PAFAH1B2: variants seen among roughly 807,000 people sequenced by gnomAD.
PAFAH1B2 encodes the protein platelet-activating factor acetylhydrolase IB subunit alpha2.
In PAFAH1B2, 8 loss-of-function variants were observed where a neutral mutation model predicts 28.0. The ratio of observed to expected loss-of-function variants is 0.29; its 90% CI spans 0.17 to 0.52. The LOEUF (loss-of-function observed/expected upper bound fraction) is 0.52. PAFAH1B2 is among the 20% of genes least tolerant of loss of function. PAFAH1B2 has a pLI of 0.97. For synonymous variants in PAFAH1B2, 104 were observed against 103.2 expected (o/e 1.01, Z -0.05); for missense variants, 190 against 282.6 (o/e 0.67, Z 2.35).
At chr11:117,167,251 A>G (rs905929181) in intron 5 of PAFAH1B2, among the ~76,000 whole-genome samples, 170 bp from the exon 6 acceptor site, 1 of 152,176 alleles carries the variant, frequency 6.6e-6, no homozygotes, top group Non-Finnish European at 1.5e-5. Flanking sequence ...CCATGAAAAA[A>G]CTAAGAAGAA....
intron 4 of PAFAH1B2, 56 bp from the exon 5 acceptor site, chr11:117,163,713 GT>G: frequency 6.6e-7 from 1 of 1,514,844 alleles, no homozygotes; most frequent in Non-Finnish European, 9.0e-7. Flanking sequence ...AATGTTGGAC[GT>G]TCCTTTGTTC....
Position 117,170,574 on chromosome 11 carries a change from A to G in PAFAH1B2, c.*2875A>G, listed in dbSNP as rs1365383233. ...ATCTTTTGTCAGAAACCTTAACCCA[A>G]CAAAACAAATCTTGAGTAGCTCATG... On this transcript the variant is annotated 3_prime_UTR_variant, in exon 6 of 6. Transcript: ENST00000527958. 2 of 1,058,136 alleles carry G rather than the reference A, an allele frequency of 1.9e-6. No individual in the cohort carries two copies. The highest frequency in any genetic ancestry group is 2.3e-6 in the Non-Finnish European group (2 of 875,650). 65.5% of individuals were successfully genotyped at this position (1,058,136 alleles called of 1,614,324 possible).
chr11:117,165,865 AGTCTC>A (rs1345238070), intron 5 of PAFAH1B2, among the ~76,000 whole-genome samples: 1 of 147,578 alleles, frequency 6.8e-6, no homozygotes, highest in Non-Finnish European at 1.5e-5. Flanking sequence ...TTTGAGATGG[AGTCTC>A]GCTCTACTGC....
At chr11:117,159,775 G>A in intron 2 of PAFAH1B2, 159 bp from the exon 3 acceptor site, 3 of 525,256 alleles carry the variant, frequency 5.7e-6, no homozygotes, top group South Asian at 6.3e-5. Context: ...TGTTTTTGTA[G>A]AGATGGGATC....
chr11:117,175,271 A>G (rs2029911289), downstream of PAFAH1B2: 4 of 1,078,390 alleles, frequency 3.7e-6, no homozygotes, highest in Non-Finnish European at 4.5e-6. Context: ...CTGTGTGCTC[A>G]CAAGTCTGGC....
intron 3 of PAFAH1B2, 82 bp downstream of exon 3, chr11:117,160,105 A>C: frequency 1.0e-6 from 1 of 989,434 alleles, no homozygotes; most frequent in Non-Finnish European, 1.6e-6. Context: ...TCTGAGCTGA[A>C]CTTACTTATT....
At position 117,170,873 on chromosome 11, in the gene PAFAH1B2, T is replaced by C; in HGVS notation, c.*3174T>C. 1 of 1,060,874 alleles carries C rather than the reference T, an allele frequency of 9.4e-7. No individual in the cohort carries two copies. The highest frequency in any genetic ancestry group is 1.1e-6 in the Non-Finnish European group (1 of 876,404). The allele number at this position is 1,060,874 out of a possible 1,614,324, so 65.7% of individuals were successfully genotyped here. A position where few individuals can be genotyped will look rare whatever the true frequency, so the allele number is the denominator to read the frequency against. On this transcript the variant is annotated 3_prime_UTR_variant, in exon 6 of 6. Coordinates refer to ENST00000527958, the MANE Select transcript of PAFAH1B2 (RefSeq NM_002572.4). ...TTAGGGCCTCTTGAAAGGAGGCTTTTTGGAGAGGGGTCCCCCAGGTTTCTT... is the reference window on the plus strand; with the variant it reads ...TTAGGGCCTCTTGAAAGGAGGCTTTCTGGAGAGGGGTCCCCCAGGTTTCTT...
downstream of PAFAH1B2, chr11:117,174,915 ATCT>A: frequency 1.3e-6 from 2 of 1,526,908 alleles, no homozygotes; most frequent in Non-Finnish European, 1.8e-6. Context: ...GCACCAGGCC[ATCT>A]TCAGGTCATT....
chr11:117,174,941 CT>C, downstream of PAFAH1B2: 1 of 1,519,146 alleles, frequency 6.6e-7, no homozygotes, highest in Non-Finnish European at 8.8e-7. Context: ...AACAATACCC[CT>C]GAGCCACCTG....
intron 5 of PAFAH1B2, among the ~76,000 whole-genome samples, chr11:117,165,984 GCATGCCAC>G (rs1256431049): frequency 1.3e-5 from 2 of 152,132 alleles, no homozygotes; most frequent in East Asian, 3.9e-4. Flanking sequence ...AACTACAGGT[GCATGCCAC>G]CATGCCCGGC....
intron 4 of PAFAH1B2, among the ~76,000 whole-genome samples, 182 bp downstream of exon 4, chr11:117,161,443 C>T (rs1956367092): frequency 6.6e-6 from 1 of 151,580 alleles, no homozygotes; most frequent in African/African-American, 2.4e-5. Context: ...AATTAAGAAA[C>T]TAGTGAATTG....
chr11:117,154,202 A>G (rs145779802), intron 2 of PAFAH1B2, among the ~76,000 whole-genome samples: 54 of 152,220 alleles, frequency 3.5e-4, no homozygotes, highest in Non-Finnish European at 6.8e-4. Context: ...ATGAATAGTA[A>G]CTAGGCCAGG....
rs577554561 is a variant in PAFAH1B2 at position 117,161,331 on chromosome 11, T to C, written c.288+70T>C. On this transcript the variant is annotated intron_variant, in intron 4 of 5. Transcript: ENST00000527958. ...TTTGGATAGTTAAATTGTCTGAAAC[T>C]GTAAAAAAAAATTGCTTCTTTAAAG... is the stretch of plus-strand genomic sequence containing the variant. The C allele has an allele frequency of 9.9e-6, 10 of 1,012,432 alleles. No individual in the cohort carries two copies. In the East Asian group the frequency reaches 1.9e-4, roughly 19 times the overall value. 62.7% of individuals were successfully genotyped at this position (1,012,432 alleles called of 1,614,324 possible).
chr11:117,159,846 C>G, intron 2 of PAFAH1B2, 88 bp from the exon 3 acceptor site: 1 of 884,966 alleles, frequency 1.1e-6, no homozygotes, highest in South Asian at 1.4e-5. Context: ...CTGTCCTGGC[C>G]TCCCAAAATG....
Position 117,144,326 on chromosome 11 carries a change from C to T in PAFAH1B2, c.-100C>T, listed in dbSNP as rs557438931. 4 of 403,452 alleles carry T rather than the reference C, an allele frequency of 9.9e-6. No individual in the cohort carries two copies. The highest frequency in any genetic ancestry group is 1.0e-5 in the Non-Finnish European group (2 of 197,208). The allele number at this position is 403,452 out of a possible 1,614,324, so 25.0% of individuals were successfully genotyped here. The stretch of plus-strand genomic sequence containing the variant: ...TGGTGCTGGGGCCGGAGGAGGGACG[C>T]GCCGGAGCGGGACCGACGGGACCGA... On this transcript the variant is annotated 5_prime_UTR_variant, in exon 1 of 6. Coordinates refer to ENST00000527958, the MANE Select transcript of PAFAH1B2 (RefSeq NM_002572.4).
chr11:117,174,901 C>G, downstream of PAFAH1B2: 1 of 1,526,658 alleles, frequency 6.6e-7, no homozygotes, highest in South Asian at 1.2e-5. Flanking sequence ...AGGCGTGAGT[C>G]ACCGCACCAG....
chr11:117,168,584 C>G lies in PAFAH1B2; in HGVS notation c.*885C>G, dbSNP rs1956574889. ...TGATAGTACTGCTATAAAACTCATT[C>G]TTGTGTGGTGTTCTGTGCTATAGAT... On this transcript the variant is annotated 3_prime_UTR_variant, in exon 6 of 6. Coordinates refer to ENST00000527958, the MANE Select transcript of PAFAH1B2 (RefSeq NM_002572.4). 2 of 1,058,490 alleles carry G rather than the reference C, an allele frequency of 1.9e-6. No individual in the cohort carries two copies. Among genetic ancestry groups the G allele is most frequent in the Non-Finnish European group, 2.3e-6 (2 of 876,044 alleles). The allele number at this position is 1,058,490 out of a possible 1,614,324, so 65.6% of individuals were successfully genotyped here. A position where few individuals can be genotyped will look rare whatever the true frequency, so the allele number is the denominator to read the frequency against.
Position 117,152,433 on chromosome 11 carries a change from T to C in PAFAH1B2, c.-7-8T>C. ...CAAATGAAACATGACATAGACGTTT[T>C]TTCTCAGGTGTAGAATGAGCCAAGG... On this transcript the variant is annotated splice_region_variant and splice_polypyrimidine_tract_variant and intron_variant, in intron 1 of 5. Coordinates refer to ENST00000527958, the MANE Select transcript of PAFAH1B2 (RefSeq NM_002572.4). 1 of 1,592,162 alleles carries C rather than the reference T, an allele frequency of 6.3e-7. No homozygotes were observed. The highest frequency in any genetic ancestry group is 8.6e-7 in the Non-Finnish European group (1 of 1,160,074).
intron 1 of PAFAH1B2, among the ~76,000 whole-genome samples, chr11:117,146,545 T>C (rs1362201690): frequency 6.6e-6 from 1 of 152,200 alleles, no homozygotes; most frequent in Non-Finnish European, 1.5e-5. Context: ...ATTTAAAAAT[T>C]AGCCATGTGT....
Sources: gnomAD v4.1 joint callset for allele counts (sites outside exome capture counted in the v4.1 genomes callset) on GRCh38, gnomAD v4.1.1 for gene constraint, MANE v1.5 for transcripts, NCBI Gene and HGNC (gene_info 2026-07-23, HGNC 2026-07-21) for gene names.